The following MYO5B variants were observed in gnomAD, a reference collection of about 807,000 sequenced individuals.
MYO5B encodes the protein unconventional myosin-Vb.
MYO5B carries 143 observed loss-of-function variants against 229.3 expected under a neutral mutation model. That is an observed-to-expected ratio of 0.62 (90% CI 0.54 to 0.72). The LOEUF is 0.72. Among genes scored for constraint, MYO5B ranks in the 30% least tolerant of loss-of-function variants. The pLI is 0.00. For missense variants in MYO5B, 2,321 were observed against 2,331.0 expected (o/e 1.00, Z 0.09); for synonymous variants, 918 against 885.2 (o/e 1.04, Z -0.66).
intron 7 of MYO5B, among the ~76,000 whole-genome samples, chr18:49,986,273 C>G (rs889080339): frequency 3.3e-5 from 5 of 152,210 alleles, no homozygotes; most frequent in Non-Finnish European, 5.9e-5. Context: ...TCACCTCCCC[C>G]CATTTCCCAC....
At chr18:50,050,044 C>T (rs1177470786) in intron 2 of MYO5B, among the ~76,000 whole-genome samples, 1 of 152,018 alleles carries the variant, frequency 6.6e-6, no homozygotes, top group Admixed American at 6.6e-5. Context: ...AGCAATATTA[C>T]CAGTAGATAA....
At chr18:49,839,411 T>C in intron 35 of MYO5B, 117 bp from the exon 36 acceptor site, 7 of 1,103,792 alleles carry the variant, frequency 6.3e-6, no homozygotes, top group East Asian at 2.4e-5. Context: ...ACTCAGGCCC[T>C]CCCTATGTAG....
At chr18:50,090,021 A>G (rs1034026120) in intron 1 of MYO5B, among the ~76,000 whole-genome samples, 4 of 152,108 alleles carry the variant, frequency 2.6e-5, no homozygotes, top group African/African-American at 9.7e-5. Flanking sequence ...CTCTCTATAT[A>G]TCTGGCTGGT....
chr18:49,984,811 AG>A lies in MYO5B; in HGVS notation c.852del (p.Phe286SerfsTer32). ...TCTCCTCCCTGTGATGTATAGAAAA[AG>A]TCCTCTGCACTTGCTGTGGGAGGCG... Reference protein sequence around the residue: ...FKELALTSAEDFFYTSQGGDT... With the variant: ...FKELALTSAEXFFYTSQGGDT... On this transcript the variant is annotated frameshift_variant, in exon 8 of 40. Coordinates refer to ENST00000285039, the MANE Select transcript of MYO5B (RefSeq NM_001080467.3). LOFTEE classifies it high-confidence loss of function. The A allele has an allele frequency of 6.2e-7, 1 of 1,611,374 alleles. No individual in the cohort carries two copies. Among genetic ancestry groups the A allele is most frequent in the Non-Finnish European group, 8.5e-7 (1 of 1,177,498 alleles).
At chr18:50,070,096 A>T (rs964774757) in intron 1 of MYO5B, among the ~76,000 whole-genome samples, 5 of 139,928 alleles carry the variant, frequency 3.6e-5, no homozygotes, top group Non-Finnish European at 7.5e-5. Context: ...ATCTCGGTTC[A>T]CTGCAACCTC....
At chr18:49,838,722 G>C (rs927995975) in intron 36 of MYO5B, among the ~76,000 whole-genome samples, 2 of 152,154 alleles carry the variant, frequency 1.3e-5, no homozygotes, top group South Asian at 2.1e-4. Flanking sequence ...TTGGTTCAAA[G>C]CAAGTGTCTA....
intron 8 of MYO5B, among the ~76,000 whole-genome samples, chr18:49,984,198 A>G (rs1255155449): frequency 6.6e-6 from 1 of 152,192 alleles, no homozygotes; most frequent in Non-Finnish European, 1.5e-5. Context: ...AAGGACAGAG[A>G]ACTTCTTGTT....
At chr18:49,944,378 T>C (rs2025348023) in intron 14 of MYO5B, among the ~76,000 whole-genome samples, 3 of 151,542 alleles carry the variant, frequency 2.0e-5, no homozygotes, top group African/African-American at 4.9e-5. Context: ...TCTAAACAGA[T>C]CCCTGGCTAC....
intron 1 of MYO5B, among the ~76,000 whole-genome samples, chr18:50,083,723 G>C (rs1002765453): frequency 3.9e-5 from 6 of 152,118 alleles, no homozygotes; most frequent in African/African-American, 1.2e-4. Context: ...AACTACATGA[G>C]CTCAGTTACA....
At chr18:50,120,303 G>A (rs961736575) in intron 1 of MYO5B, among the ~76,000 whole-genome samples, 5 of 152,188 alleles carry the variant, frequency 3.3e-5, no homozygotes, top group African/African-American at 9.6e-5. Flanking sequence ...ATGTCTGCTC[G>A]AGATTGGCTT....
intron 1 of MYO5B, among the ~76,000 whole-genome samples, chr18:50,092,686 G>A (rs2031472592): frequency 6.6e-6 from 1 of 152,098 alleles, no homozygotes. Flanking sequence ...TTCCTAAAAA[G>A]CTGCAATCAT....
intron 9 of MYO5B, among the ~76,000 whole-genome samples, 164 bp from the exon 10 acceptor site, chr18:49,974,779 TCACACA>T (rs111420791): frequency 1.7e-5 from 2 of 117,048 alleles, no homozygotes; most frequent in African/African-American, 7.6e-5. Context: ...GCAGTCTCTC[TCACACA>T]CACACACACA....
chr18:49,937,161 T>C (rs1371368680), intron 15 of MYO5B, 84 bp downstream of exon 15: 23 of 1,536,418 alleles, frequency 1.5e-5, no homozygotes, highest in Non-Finnish European at 1.9e-5. Flanking sequence ...ATGGCTTCCC[T>C]CTCACCCTGC....
rs554430857 is a variant in MYO5B, at chr18:50,181,561, G to A, written c.27+13206C>T. 4.6e-5 allele frequency among the ~76,000 whole-genome samples: 7 copies of A among 152,310 alleles called. No individual in the cohort carries two copies. In the East Asian group the frequency reaches 1.3e-3, roughly 29 times the overall value. ...CCAGACAAAGATATTGTCACCATAG[G>A]GAGGACTCAAAAGCACACACCATCA... On this transcript the variant is annotated intron_variant, in intron 1 of 39. Transcript: ENST00000285039.
intron 32 of MYO5B, 130 bp from the exon 33 acceptor site, chr18:49,847,419 G>T: frequency 8.8e-7 from 1 of 1,135,670 alleles, no homozygotes; most frequent in South Asian, 1.3e-5. Flanking sequence ...GGTGGAGGAT[G>T]GCACCTGGGG....
chr18:49,958,319 C>G (rs974765154), intron 12 of MYO5B, among the ~76,000 whole-genome samples: 15 of 152,198 alleles, frequency 9.9e-5, no homozygotes, highest in African/African-American at 3.1e-4. Context: ...TGGTCTTTAA[C>G]CACAGCCAAA....
chr18:49,962,541 G>T, intron 11 of MYO5B, 135 bp from the exon 12 acceptor site: 1 of 1,231,460 alleles, frequency 8.1e-7, no homozygotes, highest in Non-Finnish European at 1.2e-6. Flanking sequence ...CTAAGTCATA[G>T]TTATGACTGC....
Position 49,825,917 on chromosome 18 carries a change from A to C in MYO5B, c.*554T>G, listed in dbSNP as rs2023837996. The C allele has an allele frequency of 6.2e-6, 1 of 162,432 alleles. No homozygotes were observed. The highest frequency in any genetic ancestry group is 2.4e-5 in the African/African-American group (1 of 41,484). 10.1% of individuals were successfully genotyped at this position (162,432 alleles called of 1,614,324 possible). On this transcript the variant is annotated 3_prime_UTR_variant, in exon 40 of 40. Coordinates refer to ENST00000285039, the MANE Select transcript of MYO5B (RefSeq NM_001080467.3). Reference sequence around the variant, plus strand: ...TGTCTGTGTATAATCAGCCATTAAAAAATATTTTGGGAATATTTCTCAGAA... The same window carrying C: ...TGTCTGTGTATAATCAGCCATTAAACAATATTTTGGGAATATTTCTCAGAA...
At chr18:49,866,030 T>A (rs2024391531) in intron 27 of MYO5B, among the ~76,000 whole-genome samples, 1 of 152,188 alleles carries the variant, frequency 6.6e-6, no homozygotes, top group Admixed American at 6.5e-5. Flanking sequence ...ATGCATGCTT[T>A]ATTGTGGTAA....
Sources: allele counts gnomAD v4.1 joint callset (sites outside exome capture counted in the v4.1 genomes callset), GRCh38; gene constraint gnomAD v4.1.1; transcripts MANE v1.5; gene names NCBI Gene and HGNC (gene_info 2026-07-23, HGNC 2026-07-21).